FCF1: variants seen among roughly 807,000 people sequenced by gnomAD.
FCF1 encodes FCF1 rRNA-processing protein.
FCF1 carries 17 observed loss-of-function variants against 32.5 expected under a neutral mutation model. The ratio of observed to expected loss-of-function variants is 0.52; its 90% CI spans 0.36 to 0.78. The LOEUF (loss-of-function observed/expected upper bound fraction) is 0.78, where lower values mean the gene tolerates loss of function less well. Among genes scored for constraint, FCF1 ranks in the 30% least tolerant of loss-of-function variants. FCF1 has a pLI of 0.00. For missense variants in FCF1, 201 were observed against 241.1 expected (o/e 0.83, Z 1.10); for synonymous variants, 84 against 78.4 (o/e 1.07, Z -0.38).
rs2090723885 is a variant in FCF1, at chr14:74,738,178, C to T, written c.*3248C>T. 6.6e-6 allele frequency: 1 copy of T among 151,926 alleles called. No individual in the cohort carries two copies. Among genetic ancestry groups the T allele is most frequent in the African/African-American group, 2.4e-5 (1 of 41,336 alleles). The allele number at this position is 151,926 out of a possible 1,614,324, so 9.4% of individuals were successfully genotyped here. A position where few individuals can be genotyped will look rare whatever the true frequency, so the allele number is the denominator to read the frequency against. ...CACTGCAGCCTTGACCTTCCCAGGC[C>T]CTGATGATCCACCCCAGCCTCTCAA... On this transcript the variant is annotated 3_prime_UTR_variant, in exon 8 of 8. Transcript: ENST00000341162.
At position 74,726,740 on chromosome 14, in the gene FCF1, A is replaced by G. The variant is rs553288839; in HGVS notation, c.365+3396A>G. 4.6e-5 allele frequency among the ~76,000 whole-genome samples: 7 copies of G among 152,032 alleles called. No individual in the cohort carries two copies. The East Asian group carries it at 5.8e-4, about 13-fold the overall frequency. Reference sequence around the variant, plus strand: ...CATCTAGCATTAGGTATATCTCGCAATGCTATCCCTCCCTCCTCCCCCCAC... The same window carrying G: ...CATCTAGCATTAGGTATATCTCGCAGTGCTATCCCTCCCTCCTCCCCCCAC... On this transcript the variant is annotated intron_variant, in intron 5 of 7. Transcript: ENST00000341162.
rs1330276192 is a variant in FCF1 at position 74,722,877 on chromosome 14, AC to A, written c.293-394del. Among the ~76,000 whole-genome samples the A allele has an allele frequency of 3.3e-5, 5 of 152,012 alleles. No homozygotes were observed. The East Asian group carries it at 7.7e-4, about 23-fold the overall frequency. On this transcript the variant is annotated intron_variant, in intron 4 of 7. Transcript: ENST00000341162. ...AGAATCATTAGAACCCAGGAGGATA[AC>A]TAGAACCCAGGAGTTTGAGGCTGCA...
intron 4 of FCF1, among the ~76,000 whole-genome samples, chr14:74,718,717 C>T (rs776644914): frequency 6.6e-6 from 1 of 151,912 alleles, no homozygotes; most frequent in African/African-American, 2.4e-5. Flanking sequence ...AGCATTCCGC[C>T]CACTTTGGCC....
At chr14:74,720,131 A>C (rs2090480558) in intron 4 of FCF1, among the ~76,000 whole-genome samples, 1 of 152,212 alleles carries the variant, frequency 6.6e-6, no homozygotes. Context: ...GTCTCAAAAA[A>C]ATAAAAAAAG....
At chr14:74,723,171 C>A in intron 4 of FCF1, 101 bp from the exon 5 acceptor site, 1 of 821,076 alleles carries the variant, frequency 1.2e-6, no homozygotes, top group African/African-American at 1.7e-5. Flanking sequence ...GCTGTCATTG[C>A]AAAAGTGTCC....
chr14:74,718,261 A>G (rs578107932), intron 4 of FCF1, among the ~76,000 whole-genome samples: 1 of 151,862 alleles, frequency 6.6e-6, no homozygotes, highest in South Asian at 2.1e-4. Flanking sequence ...TTCTATTTCC[A>G]CTTTATAGTC....
intron 4 of FCF1, 102 bp downstream of exon 4, chr14:74,716,201 C>T: frequency 8.8e-7 from 1 of 1,140,994 alleles, no homozygotes; most frequent in Non-Finnish European, 1.3e-6. Flanking sequence ...AACTGAATTG[C>T]TGGCCATTTA....
intron 2 of FCF1, among the ~76,000 whole-genome samples, chr14:74,714,071 C>A (rs1439643659): frequency 6.6e-6 from 1 of 152,122 alleles, no homozygotes; most frequent in Non-Finnish European, 1.5e-5. Flanking sequence ...AAGTGAAATT[C>A]CCTAGTATGA....
chr14:74,715,367 T>C (rs1028050302), intron 3 of FCF1, among the ~76,000 whole-genome samples: 1 of 152,212 alleles, frequency 6.6e-6, no homozygotes, highest in Non-Finnish European at 1.5e-5. Flanking sequence ...CATTTAACTT[T>C]ATGAAAACTT....
chr14:74,713,193 T>C lies in FCF1; in HGVS notation c.-5T>C, dbSNP rs2090354800. ...TTACGGAAGAACCAGGAGTTTGGCG[T>C]GACCATGGTGAGAGAAGACGGTCCA... On this transcript the variant is annotated 5_prime_UTR_variant, in exon 1 of 8. Coordinates refer to ENST00000341162, the MANE Select transcript of FCF1 (RefSeq NM_015962.5). 6.2e-7 allele frequency: 1 copy of C among 1,614,056 alleles called. No homozygotes were observed. Among genetic ancestry groups the C allele is most frequent in the Admixed American group, 1.7e-5 (1 of 60,002 alleles).
chr14:74,725,706 G>A (rs1471214393), intron 5 of FCF1, among the ~76,000 whole-genome samples: 2 of 151,648 alleles, frequency 1.3e-5, no homozygotes, highest in African/African-American at 2.4e-5. Context: ...AGGCCGAGGC[G>A]GGTGGATCAC....
At chr14:74,716,607 T>C (rs2090424537) in intron 4 of FCF1, among the ~76,000 whole-genome samples, 2 of 152,192 alleles carry the variant, frequency 1.3e-5, no homozygotes, top group African/African-American at 4.8e-5. Flanking sequence ...TATTTACACC[T>C]AGGTATGCAA....
chr14:74,715,112 G>A (rs1485360156), intron 3 of FCF1, among the ~76,000 whole-genome samples, 169 bp downstream of exon 3: 2 of 152,120 alleles, frequency 1.3e-5, no homozygotes, highest in African/African-American at 4.8e-5. Flanking sequence ...GAAGGTTTTG[G>A]GATTTTATGG....
intron 4 of FCF1, 147 bp from the exon 5 acceptor site, chr14:74,723,125 T>G (rs541813819): frequency 1.1e-4 from 69 of 612,234 alleles, no homozygotes; most frequent in Admixed American, 1.0e-3. Flanking sequence ...TTTCTTCTAC[T>G]CTAGTTCTTC....
intron 5 of FCF1, among the ~76,000 whole-genome samples, chr14:74,727,138 G>A (rs1276531685): frequency 1.3e-5 from 2 of 152,098 alleles, no homozygotes; most frequent in African/African-American, 2.4e-5. Context: ...GGGATGGCTG[G>A]GTCAAATGGT....
intron 5 of FCF1, among the ~76,000 whole-genome samples, chr14:74,726,340 A>G (rs1189571863): frequency 1.3e-5 from 2 of 151,982 alleles, no homozygotes; most frequent in Non-Finnish European, 2.9e-5. Flanking sequence ...TTTTAAAATT[A>G]GCCAGGCATG....
chr14:74,723,693 T>C (rs1455728864), intron 5 of FCF1, among the ~76,000 whole-genome samples: 1 of 151,972 alleles, frequency 6.6e-6, no homozygotes, highest in African/African-American at 2.4e-5. Flanking sequence ...CCGGCTGTGG[T>C]GGCAGGTGCC....
Position 74,713,149 on chromosome 14 carries a change from A to C in FCF1, c.-49A>C. 1 of 1,614,124 alleles carries C rather than the reference A, an allele frequency of 6.2e-7. No individual in the cohort carries two copies. Among genetic ancestry groups the C allele is most frequent in the Non-Finnish European group, 8.5e-7 (1 of 1,180,028 alleles). ...GGAAGCAGTATGTGAATGACGTAGA[A>C]GTATTGCGCCGTTGGTGATTACGGA... On this transcript the variant is annotated 5_prime_UTR_variant, in exon 1 of 8. Transcript: ENST00000341162.
chr14:74,718,914 C>G (rs1489088003), intron 4 of FCF1, among the ~76,000 whole-genome samples: 1 of 151,694 alleles, frequency 6.6e-6, no homozygotes, highest in African/African-American at 2.4e-5. Flanking sequence ...AATCCTAGTG[C>G]TTTTCAGGAG....
Sources: allele counts gnomAD v4.1 joint callset (sites outside exome capture counted in the v4.1 genomes callset), GRCh38; gene constraint gnomAD v4.1.1; transcripts MANE v1.5; gene names NCBI Gene and HGNC (gene_info 2026-07-23, HGNC 2026-07-21).